IPPK: variants seen among roughly 807,000 people sequenced by gnomAD.
The protein encoded by IPPK is IPK1 homolog.
A neutral mutation model predicts 64.6 loss-of-function variants in IPPK; 22 were observed. The ratio of observed to expected loss-of-function variants is 0.34; its 90% confidence interval spans 0.24 to 0.49. The LOEUF (loss-of-function observed/expected upper bound fraction) is 0.49. Among genes scored for constraint, IPPK ranks in the 20% least tolerant of loss-of-function variants. IPPK has a pLI of 0.99. For synonymous variants in IPPK, 262 were observed against 247.2 expected, an observed-to-expected ratio of 1.06 and a Z score of -0.56; for missense variants, 532 against 630.7, an observed-to-expected ratio of 0.84 and a Z score of 1.68.
intron 3 of IPPK, 36 bp from the exon 4 acceptor site, chr9:92,652,675 G>A (rs1180109478): frequency 2.5e-6 from 3 of 1,219,302 alleles, no homozygotes; most frequent in African/African-American, 1.5e-5. Context: ...AGTGTGAATT[G>A]CACAATGACA....
intron 11 of IPPK, among the ~76,000 whole-genome samples, chr9:92,632,020 G>T (rs1054243182): frequency 1.3e-5 from 2 of 152,182 alleles, no homozygotes; most frequent in African/African-American, 4.8e-5. Flanking sequence ...AAAGCCCCCT[G>T]GAGGTCCACC....
chr9:92,637,027 T>A (rs1204735841), intron 9 of IPPK, among the ~76,000 whole-genome samples: 5 of 151,568 alleles, frequency 3.3e-5, no homozygotes, highest in Non-Finnish European at 7.4e-5. Context: ...CCCCACAAAG[T>A]TCATTTGTAG....
intron 2 of IPPK, among the ~76,000 whole-genome samples, chr9:92,656,915 A>C (rs1248544551): frequency 1.3e-5 from 2 of 152,280 alleles, no homozygotes; most frequent in Non-Finnish European, 1.5e-5. Context: ...AAGAGATTTT[A>C]CTCTTTAGCC....
At chr9:92,652,464 A>AG (rs1221027766) in intron 4 of IPPK, 109 bp downstream of exon 4, 1 of 546,986 alleles carries the variant, frequency 1.8e-6, no homozygotes, top group African/African-American at 1.9e-5. Flanking sequence ...AAAAAAAAAA[A>AG]AAAGGATTAC....
rs202035536 is a variant in IPPK, at chr9:92,640,790, G to T, written c.564-8C>A. 1 of 1,603,296 alleles carries T rather than the reference G, an allele frequency of 6.2e-7. No individual in the cohort carries two copies. Among genetic ancestry groups the T allele is most frequent in the Non-Finnish European group, 8.5e-7 (1 of 1,170,230 alleles). ...TGCATTCTCTGTTTGTTTCTAAAAGGGAAAAGCATTAACATGCTTTAAATG... is the reference window on the plus strand; with the variant it reads ...TGCATTCTCTGTTTGTTTCTAAAAGTGAAAAGCATTAACATGCTTTAAATG... On this transcript the variant is annotated splice_region_variant and splice_polypyrimidine_tract_variant and intron_variant, in intron 7 of 12. Transcript: ENST00000287996.
Position 92,653,144 on chromosome 9 carries a change from C to T in IPPK, c.226-505G>A, listed in dbSNP as rs190621313. Among the ~76,000 whole-genome samples, 466 of 152,350 alleles carry T rather than the reference C, an allele frequency of 3.1e-3. 4 individuals are homozygous for T. Among genetic ancestry groups the T allele is most frequent in the African/African-American group, 0.01 (431 of 41,572 alleles). On this transcript the variant is annotated intron_variant, in intron 3 of 12. Transcript: ENST00000287996. Reference sequence around the variant, plus strand: ...CCTGTGCCTCCTCAGCCCTGAAGGACGTGGTATAACCAATGCCCAGCACTG... The same window carrying T: ...CCTGTGCCTCCTCAGCCCTGAAGGATGTGGTATAACCAATGCCCAGCACTG...
chr9:92,643,723 G>A (rs1039373106), intron 6 of IPPK, among the ~76,000 whole-genome samples: 2 of 152,164 alleles, frequency 1.3e-5, no homozygotes, highest in Non-Finnish European at 2.9e-5. Flanking sequence ...AGTACATATG[G>A]CATGATCCCA....
chr9:92,613,192 G>A lies in IPPK; in HGVS notation c.*2640C>T, dbSNP rs373734749. ...TGGAGGATGAAGATGCTGCGTGGAG[G>A]AACATGCAATTTTATTCAATATAAA... On this transcript the variant is annotated 3_prime_UTR_variant, in exon 13 of 13. Transcript: ENST00000287996. 490 of 1,611,352 alleles carry A rather than the reference G, an allele frequency of 3.0e-4. 1 individual carries two copies. The highest frequency in any genetic ancestry group is 4.0e-4 in the Non-Finnish European group (473 of 1,177,880).
At chr9:92,651,440 G>T (rs933644609) in intron 4 of IPPK, among the ~76,000 whole-genome samples, 2 of 152,224 alleles carry the variant, frequency 1.3e-5, no homozygotes, top group Non-Finnish European at 2.9e-5. Flanking sequence ...GGGGATTGGG[G>T]AAGGACAACA....
intron 12 of IPPK, 163 bp downstream of exon 12, chr9:92,619,323 C>T (rs577079401): frequency 3.1e-5 from 19 of 605,652 alleles, no homozygotes; most frequent in Admixed American, 1.6e-4. Context: ...TTCTAGAGGG[C>T]GAGAGTTAGT....
rs1305223373 is a variant in IPPK at position 92,619,366 on chromosome 9, T to A, written c.1250+120A>T. 2.1e-5 allele frequency: 16 copies of A among 777,294 alleles called. No homozygotes were observed. The East Asian group carries it at 4.3e-4, about 21-fold the overall frequency. 48.1% of individuals were successfully genotyped at this position (777,294 alleles called of 1,614,324 possible). A position where few individuals can be genotyped will look rare whatever the true frequency, so the allele number is the denominator to read the frequency against. On this transcript the variant is annotated intron_variant, in intron 12 of 12. Coordinates refer to ENST00000287996, the MANE Select transcript of IPPK (RefSeq NM_022755.6). ...ATGATGTCACATAGGCCAAGGAAGTTATGTCACTCCGCCATGGAGTCTCTA... is the reference window on the plus strand; with the variant it reads ...ATGATGTCACATAGGCCAAGGAAGTAATGTCACTCCGCCATGGAGTCTCTA...
intron 1 of IPPK, among the ~76,000 whole-genome samples, chr9:92,665,936 C>A (rs1337562398): frequency 6.6e-6 from 1 of 152,116 alleles, no homozygotes. Flanking sequence ...AGACAAATAT[C>A]CCAAGCACTA....
chr9:92,614,506 GTAGAAT>G lies in IPPK; in HGVS notation c.*1320_*1325del, dbSNP rs778913793. On this transcript the variant is annotated 3_prime_UTR_variant, in exon 13 of 13. Transcript: ENST00000287996. ...TAAGTATCTTTTTGCACCTCTGAGA[GTAGAAT>G]TAGAAGTAAATATGACAGAATTGAA... 10 of 152,650 alleles carry G rather than the reference GTAGAAT, an allele frequency of 6.6e-5. No individual in the cohort carries two copies. Among genetic ancestry groups the G allele is most frequent in the Non-Finnish European group, 1.2e-4 (8 of 68,040 alleles). The allele number at this position is 152,650 out of a possible 1,614,324, so 9.5% of individuals were successfully genotyped here.
intron 6 of IPPK, among the ~76,000 whole-genome samples, chr9:92,646,936 C>A (rs187714947): frequency 1.8e-4 from 28 of 152,042 alleles, no homozygotes; most frequent in African/African-American, 6.3e-4. Context: ...ACACTAAGCC[C>A]AATCCAAGCA....
At chr9:92,658,817 A>G (rs1852425234) in intron 1 of IPPK, 136 bp from the exon 2 acceptor site, 1 of 754,074 alleles carries the variant, frequency 1.3e-6, no homozygotes, top group African/African-American at 1.8e-5. Flanking sequence ...GGAAGCCCCC[A>G]GGGCAGGGAG....
rs1427094654 is a variant in IPPK at position 92,615,651 on chromosome 9, C to T, written c.*181G>A. Reference sequence around the variant, plus strand: ...GGACACAGCACTCACTTCCTACATTCCTTGTCCAGGAAGTTGTTTCTAGTG... The same window carrying T: ...GGACACAGCACTCACTTCCTACATTTCTTGTCCAGGAAGTTGTTTCTAGTG... On this transcript the variant is annotated 3_prime_UTR_variant, in exon 13 of 13. Coordinates refer to ENST00000287996, the MANE Select transcript of IPPK (RefSeq NM_022755.6). 3 of 580,042 alleles carry T rather than the reference C, an allele frequency of 5.2e-6. No homozygotes were observed. The East Asian group carries it at 8.7e-5, about 17-fold the overall frequency. The allele number at this position is 580,042 out of a possible 1,614,324, so 35.9% of individuals were successfully genotyped here.
intron 1 of IPPK, among the ~76,000 whole-genome samples, chr9:92,662,986 G>A (rs980546582): frequency 7.9e-5 from 12 of 152,150 alleles, no homozygotes; most frequent in African/African-American, 2.9e-4. Flanking sequence ...GAAGACTTTC[G>A]GCAAAGCCCA....
intron 11 of IPPK, among the ~76,000 whole-genome samples, chr9:92,634,082 A>G (rs1851893009): frequency 6.6e-6 from 1 of 152,212 alleles, no homozygotes; most frequent in South Asian, 2.1e-4. Flanking sequence ...GTTGGCAGAG[A>G]GCCTGTTGTG....
At chr9:92,623,327 G>A (rs62574672) in intron 11 of IPPK, among the ~76,000 whole-genome samples, 3 of 152,108 alleles carry the variant, frequency 2.0e-5, no homozygotes, top group South Asian at 2.1e-4. Context: ...CCAGCTACTC[G>A]GGAGGCTGAG....
Sources: gnomAD v4.1 joint callset for allele counts (sites outside exome capture counted in the v4.1 genomes callset) on GRCh38, gnomAD v4.1.1 for gene constraint, MANE v1.5 for transcripts, NCBI Gene and HGNC (gene_info 2026-07-23, HGNC 2026-07-21) for gene names.